ASPM: variants seen among roughly 807,000 people sequenced by gnomAD.
ASPM encodes assembly factor for spindle microtubules.
ASPM carries 256 observed loss-of-function variants against 366.4 expected under a neutral mutation model. That is an observed-to-expected ratio of 0.70 (90% CI 0.63 to 0.77). The LOEUF (loss-of-function observed/expected upper bound fraction) is 0.77. ASPM is among the 30% of genes least tolerant of loss of function. The pLI, the probability that ASPM is intolerant of heterozygous loss-of-function variation, is 0.00. For synonymous variants in ASPM, 1,414 were observed against 1,342.9 expected, an observed-to-expected ratio of 1.05 and a Z score of -1.16; for missense variants, 4,146 against 4,090.4, an observed-to-expected ratio of 1.01 and a Z score of -0.37.
At chr1:197,096,424 CAGTATTTAT>C (rs1195196747) in intron 18 of ASPM, among the ~76,000 whole-genome samples, 1 of 151,734 alleles carries the variant, frequency 6.6e-6, no homozygotes, top group African/African-American at 2.4e-5. Flanking sequence ...AAACCCTAAC[CAGTATTTAT>C]AAATTGTAAG....
chr1:197,129,425 G>A lies in ASPM; in HGVS notation c.2630-108C>T, dbSNP rs1188334326. The A allele has an allele frequency of 4.0e-6, 5 of 1,242,406 alleles. No individual in the cohort carries two copies. In the African/African-American group the frequency reaches 7.7e-5, roughly 19 times the overall value. The allele number at this position is 1,242,406 out of a possible 1,614,324, so 77.0% of individuals were successfully genotyped here. Reference sequence around the variant, plus strand: ...GGTGTTAGTAAAACAAAAAGTGTAGGGTAGCAAGCACAAATAAAACACTAT... The same window carrying A: ...GGTGTTAGTAAAACAAAAAGTGTAGAGTAGCAAGCACAAATAAAACACTAT... On this transcript the variant is annotated intron_variant, in intron 8 of 27. Coordinates refer to ENST00000367409, the MANE Select transcript of ASPM (RefSeq NM_018136.5).
At chr1:197,094,373 G>A (rs1447445809) in intron 19 of ASPM, among the ~76,000 whole-genome samples, 193 bp from the exon 20 acceptor site, 1 of 151,728 alleles carries the variant, frequency 6.6e-6, no homozygotes, top group Non-Finnish European at 1.5e-5. Context: ...CACGAAAGAA[G>A]TTTTACAATT....
chr1:197,091,458 G>A (rs1656785375), intron 22 of ASPM, among the ~76,000 whole-genome samples: 1 of 151,704 alleles, frequency 6.6e-6, no homozygotes, highest in Non-Finnish European at 1.5e-5. Flanking sequence ...GGAAAAACGG[G>A]CAAAGTGTAT....
At chr1:197,111,246 CAAAT>C (rs1238313591) in intron 17 of ASPM, among the ~76,000 whole-genome samples, 1 of 151,752 alleles carries the variant, frequency 6.6e-6, no homozygotes, top group Non-Finnish European at 1.5e-5. Flanking sequence ...AAACAAAAAA[CAAAT>C]AACCCCACTA....
rs963153105 is a variant in ASPM at position 197,143,325 on chromosome 1, T to C, written c.927A>G (p.Thr309=). Reference sequence around the variant, plus strand: ...GACTTAGAAAATGTATTTGGCTTTGTGTAATGTTCAAAGTTGAAGAACAGT... The same window carrying C: ...GACTTAGAAAATGTATTTGGCTTTGCGTAATGTTCAAAGTTGAAGAACAGT... ...TPNCSSTLNI[T]QSQIHFLSPD... The change falls in exon 3 of 28, where the codon ACA becomes ACG. Residue 309 remains threonine, a synonymous_variant. Coordinates refer to ENST00000367409, the MANE Select transcript of ASPM (RefSeq NM_018136.5). The C allele has an allele frequency of 2.5e-6, 4 of 1,613,870 alleles. No homozygotes were observed. The African/African-American group carries it at 5.3e-5, about 22-fold the overall frequency.
rs186898550 is a variant in ASPM, at chr1:197,088,123, C to T, written c.10161+133G>A. ...AGATACATCCTGAATTCATTTTATCCGTGCAAAAAGCAGGTTTGAACACAC... is the reference window on the plus strand; with the variant it reads ...AGATACATCCTGAATTCATTTTATCTGTGCAAAAAGCAGGTTTGAACACAC... On this transcript the variant is annotated intron_variant, in intron 26 of 27. Transcript: ENST00000367409. 119 of 856,314 alleles carry T rather than the reference C, an allele frequency of 1.4e-4. 1 individual carries two copies. Among genetic ancestry groups the T allele is most frequent in the East Asian group, 1.2e-3 (48 of 40,102 alleles). The allele number at this position is 856,314 out of a possible 1,614,324, so 53.0% of individuals were successfully genotyped here.
chr1:197,113,219 G>A (rs569915734), intron 17 of ASPM, among the ~76,000 whole-genome samples: 2 of 152,248 alleles, frequency 1.3e-5, no homozygotes, highest in Admixed American at 6.5e-5. Flanking sequence ...CTTGATGAGC[G>A]CAAGTCAGAG....
Position 197,100,529 on chromosome 1 carries a change from G to A in ASPM, c.8722C>T (p.Gln2908Ter), listed in dbSNP as rs769293430. 6.2e-7 allele frequency: 1 copy of A among 1,611,212 alleles called. No individual in the cohort carries two copies. The highest frequency in any genetic ancestry group is 8.5e-7 in the Non-Finnish European group (1 of 1,178,266). Residue 2908 changes from glutamine to a stop codon, truncating the protein, a stop_gained, in exon 18 of 28, where the codon CAG becomes TAG. Coordinates refer to ENST00000367409, the MANE Select transcript of ASPM (RefSeq NM_018136.5). LOFTEE classifies it high-confidence loss of function. ...ATAATGATAACACTGCTTCTGATCT[G>A]TAAATAGACTTGTCTTTGATGTTTT... is the stretch of plus-strand genomic sequence containing the variant. ...SAKHQRQVYL[Q>*]IRSSVIIIQA...
Position 197,102,597 on chromosome 1 carries a change from T to A in ASPM, c.6654A>T (p.Thr2218=). ...TCATTGCCCAGTATCTTTGCTGTAC[T>A]GTTTTTGTTATTTTCTTTAACTTAT... ...YFNKLKKITK[T]VQQRYWAMKE... The change falls in exon 18 of 28, where the codon ACA becomes ACT. Residue 2218 remains threonine (T), a synonymous_variant. Coordinates refer to ENST00000367409, the MANE Select transcript of ASPM (RefSeq NM_018136.5). The A allele has an allele frequency of 1.2e-6, 2 of 1,612,440 alleles. No homozygotes were observed. Among genetic ancestry groups the A allele is most frequent in the Non-Finnish European group, 1.7e-6 (2 of 1,179,156 alleles).
chr1:197,128,428 G>C (rs1658154589), intron 10 of ASPM, 62 bp downstream of exon 10: 1 of 1,477,794 alleles, frequency 6.8e-7, no homozygotes, highest in East Asian at 2.3e-5. Flanking sequence ...TACAAAAAAA[G>C]TGTTTTCCAG....
At chr1:197,088,528 T>C in intron 25 of ASPM, 96 bp from the exon 26 acceptor site, 1 of 1,206,398 alleles carries the variant, frequency 8.3e-7, no homozygotes, top group Non-Finnish European at 1.2e-6. Flanking sequence ...CCATACTTAG[T>C]ATAGCCAAAT....
Position 197,091,808 on chromosome 1 carries a change from C to T in ASPM, c.9444+99G>A, listed in dbSNP as rs934190466. On this transcript the variant is annotated intron_variant, in intron 22 of 27. Coordinates refer to ENST00000367409, the MANE Select transcript of ASPM (RefSeq NM_018136.5). ...ATAAGGTGAAAGGCTAAATGTTGTA[C>T]GACCTTAGCATAAAGCATTTGGAAA... The T allele has an allele frequency of 1.0e-5, 13 of 1,259,996 alleles. 1 individual carries two copies. Among genetic ancestry groups the T allele is most frequent in the Admixed American group, 3.7e-5 (2 of 53,602 alleles). The allele number at this position is 1,259,996 out of a possible 1,614,324, so 78.1% of individuals were successfully genotyped here.
chr1:197,102,562 T>C lies in ASPM; in HGVS notation c.6689A>G (p.Asn2230Ser). The change falls in exon 18 of 28, where the codon AAC becomes AGC. Residue 2230 changes from asparagine to serine, a missense_variant. Asn to Ser is a conservative substitution (Grantham distance 46). Around this residue, in one of 3 missense-constraint regions of ASPM, gnomAD observed 3,624 missense variants for 3,591.7 expected, o/e 1.01. Coordinates refer to ENST00000367409, the MANE Select transcript of ASPM (RefSeq NM_018136.5). Reference protein sequence around the residue: ...QQRYWAMKERNIQFQRYNKLR... With the variant: ...QQRYWAMKERSIQFQRYNKLR... Reference sequence around the variant, plus strand: ...TTTGTTATACCTTTGAAATTGTATGTTTCTTTCTTTCATTGCCCAGTATCT... The same window carrying C: ...TTTGTTATACCTTTGAAATTGTATGCTTCTTTCTTTCATTGCCCAGTATCT... 6.2e-7 allele frequency: 1 copy of C among 1,612,222 alleles called. No homozygotes were observed. Among genetic ancestry groups the C allele is most frequent in the Non-Finnish European group, 8.5e-7 (1 of 1,179,016 alleles).
At chr1:197,124,034 A>G in intron 13 of ASPM, 76 bp downstream of exon 13, 1 of 1,255,066 alleles carries the variant, frequency 8.0e-7, no homozygotes, top group Non-Finnish European at 1.1e-6. Flanking sequence ...AAAAGACTTC[A>G]GGCATTAAGT....
chr1:197,126,858 GC>G (rs959135782), intron 10 of ASPM, among the ~76,000 whole-genome samples: 2 of 152,120 alleles, frequency 1.3e-5, no homozygotes, highest in Non-Finnish European at 2.9e-5. Flanking sequence ...CTCCATTCTG[GC>G]CAAGCGGTCC....
chr1:197,106,243 T>A (rs1346701988), intron 17 of ASPM, among the ~76,000 whole-genome samples: 1 of 152,062 alleles, frequency 6.6e-6, no homozygotes, highest in Non-Finnish European at 1.5e-5. Flanking sequence ...CCTGAGGTTT[T>A]GTTCATACTC....
In ASPM at chr1:197,142,274, A is replaced by G. The variant is rs536066619; in HGVS notation, c.1921+57T>C. 7.0e-6 allele frequency: 11 copies of G among 1,568,146 alleles called. No homozygotes were observed. The African/African-American group carries it at 1.2e-4, about 17-fold the overall frequency. On this transcript the variant is annotated intron_variant, in intron 3 of 27. Coordinates refer to ENST00000367409, the MANE Select transcript of ASPM (RefSeq NM_018136.5). ...TTATCAATAGCAGATTTACTAAACC[A>G]AAAGGAAGTATCCCCTTTACAGGTA...
intron 12 of ASPM, 114 bp from the exon 13 acceptor site, chr1:197,124,445 C>A: frequency 1.2e-6 from 1 of 817,860 alleles, no homozygotes; most frequent in Non-Finnish European, 1.9e-6. Flanking sequence ...TGTTTTAAAC[C>A]AGGAAGTTAA....
In ASPM at chr1:197,105,076, C is replaced by G. The variant is rs765050426; in HGVS notation, c.4175G>C (p.Arg1392Pro). 6 of 1,609,464 alleles carry G rather than the reference C, an allele frequency of 3.7e-6. No homozygotes were observed. In the South Asian group the frequency reaches 6.6e-5, roughly 18 times the overall value. ...RMIIAVTSYKRYLWATVTIQR... is the reference protein window; with the variant it reads ...RMIIAVTSYKPYLWATVTIQR... Reference sequence around the variant, plus strand: ...AATTGTAACTGTAGCCCAAAGATATCGTTTATAAGATGTAACAGCAATTAT... The same window carrying G: ...AATTGTAACTGTAGCCCAAAGATATGGTTTATAAGATGTAACAGCAATTAT... Residue 1392 changes from arginine to proline, a missense_variant, in exon 18 of 28, where the codon CGA (arginine) becomes CCA (proline). Around this residue, in one of 3 missense-constraint regions of ASPM, gnomAD observed 3,624 missense variants for 3,591.7 expected, o/e 1.01. Coordinates refer to ENST00000367409, the MANE Select transcript of ASPM (RefSeq NM_018136.5).
Sources: allele counts gnomAD v4.1 joint callset (sites outside exome capture counted in the v4.1 genomes callset), GRCh38; gene constraint gnomAD v4.1.1; regional missense constraint gnomAD v4.1.1; transcripts MANE v1.5; gene names NCBI Gene and HGNC (gene_info 2026-07-23, HGNC 2026-07-21).